USP47: variants seen among roughly 807,000 people sequenced by gnomAD.
USP47 encodes ubiquitin specific peptidase 47.
In USP47, 35 loss-of-function variants were observed where a neutral mutation model predicts 165.1. The ratio of observed to expected loss-of-function variants is 0.21; its 90% CI spans 0.16 to 0.28. The LOEUF (loss-of-function observed/expected upper bound fraction) is 0.28, where lower values mean the gene tolerates loss of function less well. Ranked by LOEUF, USP47 falls within the 10% of genes least tolerant of loss-of-function variation. USP47 has a pLI of 1.00. For missense variants in USP47, 1,277 were observed against 1,607.4 expected (o/e 0.79, Z 3.52); for synonymous variants, 531 against 544.5 (o/e 0.98, Z 0.35).
At chr11:11,905,290 C>A in intron 7 of USP47, 109 bp from the exon 8 acceptor site, 1 of 529,636 alleles carries the variant, frequency 1.9e-6, no homozygotes, top group Non-Finnish European at 2.8e-6. Context: ...AAGATTTTAG[C>A]TGTAAATATC....
chr11:11,879,868 T>C (rs1850717994), intron 1 of USP47, among the ~76,000 whole-genome samples: 1 of 152,158 alleles, frequency 6.6e-6, no homozygotes, highest in Non-Finnish European at 1.5e-5. Flanking sequence ...ATTGCTTAAA[T>C]ATTACTATCT....
chr11:11,945,574 GATAA>G (rs1208699024), intron 20 of USP47, among the ~76,000 whole-genome samples: 4 of 152,056 alleles, frequency 2.6e-5, no homozygotes, highest in African/African-American at 9.7e-5. Flanking sequence ...GGAAAGCCAA[GATAA>G]ATAAAGATGG....
chr11:11,870,295 T>A (rs1849955010), intron 1 of USP47, among the ~76,000 whole-genome samples: 1 of 152,174 alleles, frequency 6.6e-6, no homozygotes, highest in Non-Finnish European at 1.5e-5. Flanking sequence ...CATGTATTTT[T>A]ACCCTACCCT....
At chr11:11,930,820 C>A in intron 14 of USP47, 69 bp downstream of exon 14, 3 of 1,248,552 alleles carry the variant, frequency 2.4e-6, no homozygotes, top group Non-Finnish European at 3.4e-6. Flanking sequence ...AGTTTGCAAA[C>A]CCAGATAACT....
chr11:11,921,894 ACCTTCTTG>A (rs1196087756), intron 10 of USP47, among the ~76,000 whole-genome samples: 1 of 151,810 alleles, frequency 6.6e-6, no homozygotes, highest in Non-Finnish European at 1.5e-5. Flanking sequence ...CTTGAACCTA[ACCTTCTTG>A]AGAGATGAAG....
chr11:11,892,184 T>G (rs1048742443), intron 4 of USP47, 78 bp downstream of exon 4: 128 of 1,457,100 alleles, frequency 8.8e-5, no homozygotes, highest in Non-Finnish European at 1.1e-4. Flanking sequence ...CCTAATCCTC[T>G]TATTTTATGG....
chr11:11,911,855 G>A (rs1246684991), intron 8 of USP47, among the ~76,000 whole-genome samples: 1 of 151,926 alleles, frequency 6.6e-6, no homozygotes, highest in Non-Finnish European at 1.5e-5. Flanking sequence ...ATATGCTCTG[G>A]ACCATAAGAC....
intron 1 of USP47, among the ~76,000 whole-genome samples, chr11:11,849,756 T>C (rs1848624438): frequency 6.6e-6 from 1 of 152,224 alleles, no homozygotes; most frequent in Non-Finnish European, 1.5e-5. Flanking sequence ...ATCTGGTATC[T>C]TTGGCTGTCT....
chr11:11,920,585 T>A, intron 10 of USP47, 91 bp downstream of exon 10: 1 of 1,166,434 alleles, frequency 8.6e-7, no homozygotes, highest in Non-Finnish European at 1.2e-6. Context: ...AACACTGATG[T>A]CATTTGGACT....
chr11:11,946,278 T>C (rs1855833065), intron 20 of USP47, among the ~76,000 whole-genome samples: 1 of 152,186 alleles, frequency 6.6e-6, no homozygotes, highest in African/African-American at 2.4e-5. Flanking sequence ...ACAAATCTAA[T>C]ATATGAAGAG....
Position 11,842,172 on chromosome 11 carries a change from G to C in USP47, c.-14G>C. On this transcript the variant is annotated 5_prime_UTR_variant, in exon 1 of 28. Coordinates refer to ENST00000527733, the MANE Select transcript of USP47 (RefSeq NM_001282659.2). Reference sequence around the variant, plus strand: ...CTCCCCCGGCAGGGCGGAGAGGAGCGGCCGGAGTCAGCGATGGTGCCCGGC... The same window carrying C: ...CTCCCCCGGCAGGGCGGAGAGGAGCCGCCGGAGTCAGCGATGGTGCCCGGC... The C allele has an allele frequency of 6.4e-7, 1 of 1,552,546 alleles. No homozygotes were observed. Among genetic ancestry groups the C allele is most frequent in the Non-Finnish European group, 8.7e-7 (1 of 1,147,164 alleles).
chr11:11,940,196 G>C (rs1049552684), intron 18 of USP47, among the ~76,000 whole-genome samples: 5 of 151,914 alleles, frequency 3.3e-5, no homozygotes, highest in Admixed American at 2.6e-4. Context: ...CTTTAAAATA[G>C]TTTCAGAGCA....
chr11:11,903,947 A>G (rs956498182), intron 7 of USP47, among the ~76,000 whole-genome samples: 2 of 152,128 alleles, frequency 1.3e-5, no homozygotes, highest in Admixed American at 6.6e-5. Context: ...GGGGAAGAGT[A>G]TATAAGGTAG....
At chr11:11,941,315 T>C (rs1564889931) in intron 19 of USP47, among the ~76,000 whole-genome samples, 1 of 132,402 alleles carries the variant, frequency 7.6e-6, no homozygotes, top group Non-Finnish European at 1.6e-5. Flanking sequence ...AGTACATTAC[T>C]TTAGGGTAAG....
intron 1 of USP47, among the ~76,000 whole-genome samples, chr11:11,866,181 C>CT (rs1849667718): frequency 6.6e-6 from 1 of 151,900 alleles, no homozygotes; most frequent in African/African-American, 2.4e-5. Context: ...TTTAGTTAAT[C>CT]TTTGTAGCTA....
intron 4 of USP47, among the ~76,000 whole-genome samples, chr11:11,897,215 C>T (rs1851904700): frequency 6.6e-6 from 1 of 151,280 alleles, no homozygotes; most frequent in Non-Finnish European, 1.5e-5. Context: ...TTATGCTTTT[C>T]CATTATAATC....
At chr11:11,916,520 A>C (rs1853429911) in intron 8 of USP47, among the ~76,000 whole-genome samples, 1 of 152,182 alleles carries the variant, frequency 6.6e-6, no homozygotes, top group Admixed American at 6.6e-5. Flanking sequence ...AATTCAGGAA[A>C]GAAACAGAAG....
rs913948508 is a variant in USP47, at chr11:11,842,011, G to T, written c.-175G>T. Reference sequence around the variant, plus strand: ...TGGTAGCGGCGGCGGCGGCGGCGGAGCCCTGGGTCGGTGTCTGCGCGCTGG... The same window carrying T: ...TGGTAGCGGCGGCGGCGGCGGCGGATCCCTGGGTCGGTGTCTGCGCGCTGG... On this transcript the variant is annotated 5_prime_UTR_variant, in exon 1 of 28. Transcript: ENST00000527733. 1.2e-4 allele frequency: 85 copies of T among 681,684 alleles called. 1 individual carries two copies. The highest frequency in any genetic ancestry group is 7.2e-4 in the African/African-American group (38 of 52,904). The allele number at this position is 681,684 out of a possible 1,614,324, so 42.2% of individuals were successfully genotyped here.
intron 1 of USP47, among the ~76,000 whole-genome samples, chr11:11,846,170 G>A (rs1003984552): frequency 6.6e-6 from 1 of 152,108 alleles, no homozygotes; most frequent in Non-Finnish European, 1.5e-5. Context: ...TTGAATTGTA[G>A]TATATTGATT....
Sources: allele counts gnomAD v4.1 joint callset (sites outside exome capture counted in the v4.1 genomes callset), GRCh38; gene constraint gnomAD v4.1.1; transcripts MANE v1.5; gene names NCBI Gene and HGNC (gene_info 2026-07-23, HGNC 2026-07-21).